Variants in MYH6 observed in about 807,000 individuals in gnomAD.
MYH6 encodes the protein myosin heavy chain 6.
MYH6 carries 126 observed loss-of-function variants against 223.2 expected under a neutral mutation model. The observed-to-expected ratio is 0.56, with a 90% CI of 0.49 to 0.65. The LOEUF is 0.65. MYH6 is among the 30% of genes least tolerant of loss of function. The pLI is 0.00. For missense variants in MYH6, 2,040 were observed against 2,536.4 expected (o/e 0.80, Z 4.20); for synonymous variants, 978 against 1,010.2 (o/e 0.97, Z 0.61).
In MYH6 at chr14:23,396,769, A is replaced by G. The variant is rs374177807; in HGVS notation, c.2217T>C (p.Asp739=). The change falls in exon 19 of 39, where the codon GAT becomes GAC. Residue 739 remains aspartate, a synonymous_variant. Coordinates refer to ENST00000405093, the MANE Select transcript of MYH6 (RefSeq NM_002471.4). Reference sequence around the variant, plus strand: ...GCAGCTTCTCTGTCCCCTTCCTGCTATCAATGAACTGTCCCTCAGGGATGG... The same window carrying G: ...GCAGCTTCTCTGTCCCCTTCCTGCTGTCAATGAACTGTCCCTCAGGGATGG... The part of the protein sequence containing the change: ...PVAIPEGQFI[D]SRKGTEKLLS... 31 of 1,613,866 alleles carry G rather than the reference A, an allele frequency of 1.9e-5. No individual in the cohort carries two copies. The highest frequency in any genetic ancestry group is 2.5e-5 in the Non-Finnish European group (29 of 1,179,886).
rs190996339 is a variant in MYH6, at chr14:23,398,840, G to T, written c.1779C>A (p.Gly593=). The T allele has an allele frequency of 3.2e-4, 521 of 1,614,184 alleles. 4 individuals carry two copies. The highest frequency in any genetic ancestry group is 1.5e-4 in the South Asian group (14 of 91,084). Residue 593 remains glycine, a synonymous_variant, in exon 15 of 39, where the codon GGC becomes GGA. Coordinates refer to ENST00000405093, the MANE Select transcript of MYH6 (RefSeq NM_002471.4). ...GAGGATCCTTGTTTTTTTCCAGCCA[G>T]CCCAGGATGTTGTAGTCCACAGTGC... ...YAGTVDYNIL[G]WLEKNKDPLN...
chr14:23,382,663 A>ATGGG, intron 37 of MYH6, 101 bp from the exon 38 acceptor site: 1 of 1,541,690 alleles, frequency 6.5e-7, no homozygotes, highest in Non-Finnish European at 9.0e-7. Context: ...TGAGGCACCC[A>ATGGG]TACCTCATGC....
intron 36 of MYH6, 21 bp from the exon 37 acceptor site, chr14:23,383,341 G>GGGGGGGCCCCCCCC: frequency 1.8e-6 from 1 of 556,580 alleles, no homozygotes; most frequent in Admixed American, 2.3e-5. Context: ...GAGGGTGGGA[G>GGGGGGGCCCCCCCC]AAGCTGGTTT....
chr14:23,404,602 G>T, intron 7 of MYH6, 109 bp downstream of exon 7: 2 of 1,192,780 alleles, frequency 1.7e-6, no homozygotes, highest in Non-Finnish European at 1.2e-6. Flanking sequence ...CGGGAGCCCA[G>T]CTCAGTGTGG....
rs778582614 is a variant in MYH6 at position 23,396,784 on chromosome 14, C to T, written c.2202G>A (p.Glu734=). The T allele has an allele frequency of 6.2e-7, 1 of 1,614,000 alleles. No homozygotes were observed. Among genetic ancestry groups the T allele is most frequent in the Non-Finnish European group, 8.5e-7 (1 of 1,179,876 alleles). Residue 734 remains glutamate, a synonymous_variant, in exon 19 of 39, where the codon GAG becomes GAA. Transcript: ENST00000405093. ...YRILNPVAIP[E]GQFIDSRKGT... ...CCTTCCTGCTATCAATGAACTGTCC[C>T]TCAGGGATGGCCACTGGGTTCAGGA...
Position 23,382,065 on chromosome 14 carries a change from T to C in MYH6, c.5797-2A>G, listed in dbSNP as rs751748384. 6 of 1,613,962 alleles carry C rather than the reference T, an allele frequency of 3.7e-6. No homozygotes were observed. Among genetic ancestry groups the C allele is most frequent in the Non-Finnish European group, 4.2e-6 (5 of 1,179,978 alleles). On this transcript the variant is annotated splice_acceptor_variant, in intron 38 of 38. Coordinates refer to ENST00000405093, the MANE Select transcript of MYH6 (RefSeq NM_002471.4). LOFTEE classifies it high-confidence loss of function. Reference sequence around the variant, plus strand: ...TCACTCCTCATCGTGCATTTTTTGCTGCAAAAAGAATAAGAGGTGTGAGGG... The same window carrying C: ...TCACTCCTCATCGTGCATTTTTTGCCGCAAAAAGAATAAGAGGTGTGAGGG...
chr14:23,397,645 A>G, intron 15 of MYH6, 32 bp from the exon 16 acceptor site: 1 of 1,611,436 alleles, frequency 6.2e-7, no homozygotes, highest in Non-Finnish European at 8.5e-7. Flanking sequence ...AATCAACAGG[A>G]GCTGGAAAAT....
At position 23,390,313 on chromosome 14, in the gene MYH6, G is replaced by A. The variant is rs780305056; in HGVS notation, c.3476C>T (p.Thr1159Met). 45 of 1,606,342 alleles carry A rather than the reference G, an allele frequency of 2.8e-5. No individual in the cohort carries two copies. The highest frequency in any genetic ancestry group is 3.6e-5 in the Non-Finnish European group (42 of 1,178,492). ...CTTGTTCATCTCGATCTGCACGGAC[G>A]TGGCCCCGCCGGCCTCTTCCAGCCG... ...SERLEEAGGA[T>M]SVQIEMNKKR... Residue 1159 changes from threonine to methionine, a missense_variant, in exon 26 of 39, where the codon ACG (threonine) becomes ATG (methionine). By Grantham distance (81) the Thr-to-Met change is moderately conservative. Around this residue, in one of 4 missense-constraint regions of MYH6, gnomAD observed 1,203 missense variants for 1,400.2 expected, o/e 0.86. Transcript: ENST00000405093.
Position 23,393,682 on chromosome 14 carries a change from T to A in MYH6, c.2912A>T (p.His971Leu). Residue 971 changes from histidine (H) to leucine (L), a missense_variant, in exon 22 of 39, where the codon CAT (histidine) becomes CTT (leucine). By Grantham distance (99) the His-to-Leu change is moderately conservative. Coordinates refer to ENST00000405093, the MANE Select transcript of MYH6 (RefSeq NM_002471.4). ...TGCCCTCACCTTGTTCTCTGTTGCATGCTTCTCCTTCTCCACCTTGGCCAG... is the reference window on the plus strand; with the variant it reads ...TGCCCTCACCTTGTTCTCTGTTGCAAGCTTCTCCTTCTCCACCTTGGCCAG... ...LTLAKVEKEK[H>L]ATENKVKNLT... 6.2e-7 allele frequency: 1 copy of A among 1,614,196 alleles called. No individual in the cohort carries two copies. The highest frequency in any genetic ancestry group is 8.5e-7 in the Non-Finnish European group (1 of 1,180,028).
chr14:23,382,163 T>G, intron 38 of MYH6, 100 bp from the exon 39 acceptor site: 1 of 1,265,546 alleles, frequency 7.9e-7, no homozygotes, highest in Non-Finnish European at 1.2e-6. Flanking sequence ...GAGATGCCCT[T>G]GGAGGGAGAG....
At chr14:23,385,142 T>A (rs981766231) in intron 34 of MYH6, 101 bp from the exon 35 acceptor site, 49 of 1,405,036 alleles carry the variant, frequency 3.5e-5, no homozygotes, top group Non-Finnish European at 4.4e-5. Context: ...ATTTTTTTTT[T>A]AAAACAACAA....
chr14:23,388,444 A>G (rs1445727408), intron 29 of MYH6, 106 bp from the exon 30 acceptor site: 104 of 1,535,528 alleles, frequency 6.8e-5, no homozygotes, highest in East Asian at 1.1e-4. Flanking sequence ...GAGACACCGT[A>G]AGTCCAGCCT....
chr14:23,382,707 G>A, intron 37 of MYH6, 145 bp from the exon 38 acceptor site: 2 of 1,211,850 alleles, frequency 1.7e-6, no homozygotes, highest in Non-Finnish European at 2.4e-6. Flanking sequence ...AGGGTATCCT[G>A]CAACTGCCTT....
At chr14:23,387,959 G>T (rs368788135) in intron 30 of MYH6, 36 bp from the exon 31 acceptor site, 1 of 1,611,266 alleles carries the variant, frequency 6.2e-7, no homozygotes, top group Non-Finnish European at 8.5e-7. Context: ...CAGCCCCCCA[G>T]CCTTAGCTCC....
chr14:23,402,659 G>T, intron 11 of MYH6, 38 bp downstream of exon 11: 1 of 1,613,592 alleles, frequency 6.2e-7, no homozygotes, highest in Non-Finnish European at 8.5e-7. Context: ...AGGAGCTCCT[G>T]GGGTCCCTCG....
chr14:23,405,205 A>G lies in MYH6; in HGVS notation c.502+18T>C. ...GTGTCTGGGAGGAGGAGCAGAGACC[A>G]GGGGCCACCAGGCTCACCTGTCAGC... On this transcript the variant is annotated intron_variant, in intron 5 of 38. Transcript: ENST00000405093. This position sits in a 1 kb window ranked among gnomAD's most constrained non-coding sequence, Gnocchi z 4.7. The G allele has an allele frequency of 6.2e-7, 1 of 1,613,980 alleles. No homozygotes were observed.
chr14:23,398,165 G>A (rs530436987), intron 15 of MYH6, among the ~76,000 whole-genome samples: 3 of 151,844 alleles, frequency 2.0e-5, no homozygotes, highest in African/African-American at 7.3e-5. Flanking sequence ...CTACAGGCAG[G>A]TGCCACCACG....
Position 23,390,432 on chromosome 14 carries a change from C to G in MYH6, c.3357G>C (p.Glu1119Asp). Residue 1119 changes from glutamate to aspartate, a missense_variant, in exon 26 of 39, where the codon GAG becomes GAC. Glu to Asp is a conservative substitution (Grantham distance 45). This residue lies in a region of MYH6 where 1,203 missense variants were observed against 1,400.2 expected (regional missense o/e 0.86). Transcript: ENST00000405093. ...KLKENQARIE[E>D]LEEELEAERT... The stretch of plus-strand genomic sequence containing the variant: ...GCTCGGCCTCCAGCTCCTCCTCCAG[C>G]TCCTCGATGCGTGCCTGGGTCAGAC... The G allele has an allele frequency of 6.2e-7, 1 of 1,612,732 alleles. No homozygotes were observed. Among genetic ancestry groups the G allele is most frequent in the Non-Finnish European group, 8.5e-7 (1 of 1,179,928 alleles).
At chr14:23,406,678 A>C (rs1891798529) in intron 3 of MYH6, among the ~76,000 whole-genome samples, 1 of 152,184 alleles carries the variant, frequency 6.6e-6, no homozygotes, top group Non-Finnish European at 1.5e-5. Context: ...CATGGAGGAA[A>C]CTGAGGCACA....
Sources: allele counts gnomAD v4.1 joint callset (sites outside exome capture counted in the v4.1 genomes callset), GRCh38; gene constraint gnomAD v4.1.1; regional missense constraint gnomAD v4.1.1; non-coding constraint Gnocchi (gnomAD v3.1); transcripts MANE v1.5; gene names NCBI Gene and HGNC (gene_info 2026-07-23, HGNC 2026-07-21).